IMMP2L: variants seen among roughly 807,000 people sequenced by gnomAD.
IMMP2L encodes the protein mitochondrial inner membrane protease subunit 2.
Under a neutral mutation model 19.3 loss-of-function variants are expected in IMMP2L, and 18 were observed. That is an observed-to-expected ratio of 0.93 (90% confidence interval 0.64 to 1.38). The LOEUF (loss-of-function observed/expected upper bound fraction) is 1.38. Among genes scored for constraint, IMMP2L ranks in the 40% most tolerant of loss-of-function variants. The pLI is 0.00. For synonymous variants in IMMP2L, 76 were observed against 73.0 expected (o/e 1.04, Z -0.21); for missense variants, 233 against 218.2 (o/e 1.07, Z -0.43).
chr7:111,373,527 G>T (rs971947663), intron 3 of IMMP2L, among the ~76,000 whole-genome samples: 1 of 152,054 alleles, frequency 6.6e-6, no homozygotes, highest in Non-Finnish European at 1.5e-5. Context: ...TGATCCAGGA[G>T]CTGCTGCTTG....
At chr7:111,357,978 A>G (rs567719460) in intron 3 of IMMP2L, among the ~76,000 whole-genome samples, 30 of 151,968 alleles carry the variant, frequency 2.0e-4, no homozygotes, top group African/African-American at 6.8e-4. Context: ...CAGCAAGCCA[A>G]GGTTTTCACC....
At chr7:110,990,864 C>A (rs1822379676) in intron 3 of IMMP2L, among the ~76,000 whole-genome samples, 1 of 152,160 alleles carries the variant, frequency 6.6e-6, no homozygotes, top group Non-Finnish European at 1.5e-5. Flanking sequence ...GGGCTATAAA[C>A]CCTCAACAAT....
Position 111,261,059 on chromosome 7 carries a change from C to T in IMMP2L, c.239+226179G>A, listed in dbSNP as rs185396849. Among the ~76,000 whole-genome samples, 506 of 152,200 alleles carry T rather than the reference C, an allele frequency of 3.3e-3. 1 individual carries two copies. The highest frequency in any genetic ancestry group is 0.01 in the Middle Eastern group (3 of 294). ...AAAAGATGCCCTTCTCTAGTTAACACGTAATTCTCAGTATAATGTAACAAG... is the reference window on the plus strand; with the variant it reads ...AAAAGATGCCCTTCTCTAGTTAACATGTAATTCTCAGTATAATGTAACAAG... On this transcript the variant is annotated intron_variant, in intron 3 of 5. Transcript: ENST00000405709.
chr7:111,560,089 T>C (rs1376947060), intron 1 of IMMP2L, among the ~76,000 whole-genome samples: 2 of 152,190 alleles, frequency 1.3e-5, no homozygotes, highest in Non-Finnish European at 2.9e-5. Context: ...GTTTAACATA[T>C]ACTTAAGCTG....
rs369639770 is a variant in IMMP2L at position 111,154,712 on chromosome 7, G to A, written c.240-191147C>T. Among the ~76,000 whole-genome samples the A allele has an allele frequency of 2.2e-4, 33 of 152,166 alleles. No individual in the cohort carries two copies. The East Asian group carries it at 3.1e-3, about 14-fold the overall frequency. On this transcript the variant is annotated intron_variant, in intron 3 of 5. Transcript: ENST00000405709. Reference sequence around the variant, plus strand: ...TACATTTAACACAAGAGATGGCTGCGATCTAAAAATCATTGTACATTAGTT... The same window carrying A: ...TACATTTAACACAAGAGATGGCTGCAATCTAAAAATCATTGTACATTAGTT...
chr7:111,464,723 C>T (rs758237808), intron 3 of IMMP2L, among the ~76,000 whole-genome samples: 7 of 152,124 alleles, frequency 4.6e-5, no homozygotes, highest in Admixed American at 1.3e-4. Context: ...CATTTTTACA[C>T]GGACCCTACC....
At chr7:111,093,153 G>A (rs1225143892) in intron 3 of IMMP2L, among the ~76,000 whole-genome samples, 1 of 152,102 alleles carries the variant, frequency 6.6e-6, no homozygotes, top group African/African-American at 2.4e-5. Context: ...CAGTGGCTTC[G>A]ATTTTCTCTC....
chr7:110,888,599 T>C (rs540611232), intron 4 of IMMP2L, among the ~76,000 whole-genome samples: 2 of 152,302 alleles, frequency 1.3e-5, no homozygotes, highest in African/African-American at 4.8e-5. Flanking sequence ...AGATTGAGTT[T>C]TAATGTCATA....
At chr7:110,781,944 T>C (rs568570981) in intron 5 of IMMP2L, among the ~76,000 whole-genome samples, 4 of 152,056 alleles carry the variant, frequency 2.6e-5, no homozygotes, top group South Asian at 2.1e-4. Flanking sequence ...AGAAAGAGAA[T>C]GATCACTTTC....
chr7:110,975,048 T>C (rs548666773), intron 3 of IMMP2L, among the ~76,000 whole-genome samples: 1 of 152,222 alleles, frequency 6.6e-6, no homozygotes, highest in South Asian at 2.1e-4. Context: ...TCTTATTTCA[T>C]TTTTGTTAAC....
chr7:110,742,048 G>A (rs1323962106), intron 5 of IMMP2L, among the ~76,000 whole-genome samples: 2 of 152,166 alleles, frequency 1.3e-5, no homozygotes, highest in African/African-American at 4.8e-5. Flanking sequence ...CTAATATTGA[G>A]TAATGGCAAG....
intron 5 of IMMP2L, among the ~76,000 whole-genome samples, chr7:110,880,493 C>T (rs1809530026): frequency 1.3e-5 from 2 of 151,968 alleles, no homozygotes; most frequent in South Asian, 4.2e-4. Flanking sequence ...AAATAATTAC[C>T]CATCAAATAT....
chr7:111,088,920 C>T (rs1315084525), intron 3 of IMMP2L, among the ~76,000 whole-genome samples: 2 of 152,086 alleles, frequency 1.3e-5, no homozygotes, highest in Non-Finnish European at 2.9e-5. Flanking sequence ...GAATCGCCAT[C>T]CTTTTCATCC....
chr7:110,947,585 C>T (rs566143037), intron 4 of IMMP2L, among the ~76,000 whole-genome samples: 2 of 152,268 alleles, frequency 1.3e-5, no homozygotes, highest in East Asian at 3.9e-4. Flanking sequence ...AAGCTTACTG[C>T]TTATTATACT....
chr7:111,404,546 C>A (rs540321976), intron 3 of IMMP2L, among the ~76,000 whole-genome samples: 1 of 152,130 alleles, frequency 6.6e-6, no homozygotes, highest in Non-Finnish European at 1.5e-5. Flanking sequence ...TAACTACATA[C>A]AACAGTTCAC....
At chr7:111,447,885 A>C (rs1049475994) in intron 3 of IMMP2L, among the ~76,000 whole-genome samples, 142 of 150,642 alleles carry the variant, frequency 9.4e-4, no homozygotes, top group African/African-American at 3.4e-3. Context: ...AATGGAAAAC[A>C]AAAAAAGGCA....
chr7:110,867,860 G>C lies in IMMP2L; in HGVS notation c.408+18733C>G, dbSNP rs148805858. ...TCTGAAGCTGGTTGATTTCTGAAAC[G>C]CCTGAATTCATTATCCTCACATGGA... On this transcript the variant is annotated intron_variant, in intron 5 of 5. Coordinates refer to ENST00000405709, the MANE Select transcript of IMMP2L (RefSeq NM_032549.4). Among the ~76,000 whole-genome samples, 896 of 152,044 alleles carry C rather than the reference G, an allele frequency of 5.9e-3. 4 individuals carry two copies. The highest frequency in any genetic ancestry group is 9.3e-3 in the Non-Finnish European group (633 of 67,966).
intron 3 of IMMP2L, among the ~76,000 whole-genome samples, chr7:111,136,808 C>G (rs558157861): frequency 6.6e-6 from 1 of 152,180 alleles, no homozygotes; most frequent in African/African-American, 2.4e-5. Context: ...TAAGCATGAA[C>G]AGACATATAA....
intron 4 of IMMP2L, among the ~76,000 whole-genome samples, chr7:110,928,211 AT>A (rs1246789053): frequency 6.6e-6 from 1 of 151,972 alleles, no homozygotes; most frequent in Non-Finnish European, 1.5e-5. Context: ...GCAAAAATAC[AT>A]TTAATTAATT....
Sources: allele counts gnomAD v4.1 joint callset (sites outside exome capture counted in the v4.1 genomes callset), GRCh38; gene constraint gnomAD v4.1.1; transcripts MANE v1.5; gene names NCBI Gene and HGNC (gene_info 2026-07-23, HGNC 2026-07-21).